The following LMX1A variants were observed in gnomAD, a reference collection of about 807,000 sequenced individuals.
LMX1A encodes LIM homeobox transcription factor 1 alpha.
In LMX1A, 15 loss-of-function variants were observed where a neutral mutation model predicts 49.1. That is an observed-to-expected ratio of 0.31 (90% CI 0.20 to 0.47). The LOEUF (loss-of-function observed/expected upper bound fraction) is 0.47, where lower values mean the gene tolerates loss of function less well. Ranked by LOEUF, LMX1A falls within the 20% of genes least tolerant of loss-of-function variation. The pLI is 1.00. For missense variants in LMX1A, 372 were observed against 475.8 expected (o/e 0.78, Z 2.03); for synonymous variants, 167 against 185.7 (o/e 0.90, Z 0.82).
At chr1:165,230,279 T>C (rs778053403) in intron 4 of LMX1A, among the ~76,000 whole-genome samples, 1 of 152,212 alleles carries the variant, frequency 6.6e-6, no homozygotes, top group African/African-American at 2.4e-5. Context: ...AGAAGGTGTT[T>C]ATGATGATGA....
intron 3 of LMX1A, among the ~76,000 whole-genome samples, chr1:165,338,780 T>C (rs976288790): frequency 1.3e-5 from 2 of 152,220 alleles, no homozygotes; most frequent in African/African-American, 4.8e-5. Context: ...AGCAGAGCCA[T>C]TGGAAAATAC....
chr1:165,324,805 A>T (rs1278462008), intron 3 of LMX1A, among the ~76,000 whole-genome samples: 1 of 152,204 alleles, frequency 6.6e-6, no homozygotes, highest in Non-Finnish European at 1.5e-5. Context: ...TTCAAAGGGC[A>T]TCTTAAGCCC....
At chr1:165,205,204 G>A (rs932753753) in intron 8 of LMX1A, among the ~76,000 whole-genome samples, 5 of 152,186 alleles carry the variant, frequency 3.3e-5, no homozygotes, top group African/African-American at 1.2e-4. Flanking sequence ...ATACTTGGCT[G>A]AGGTTGAACT....
At chr1:165,228,535 T>C (rs916456454) in intron 4 of LMX1A, among the ~76,000 whole-genome samples, 1 of 152,170 alleles carries the variant, frequency 6.6e-6, no homozygotes, top group African/African-American at 2.4e-5. Context: ...TGACAAAGGA[T>C]TTCACAGGTT....
intron 3 of LMX1A, among the ~76,000 whole-genome samples, chr1:165,309,174 C>T (rs72702449): frequency 2.1e-3 from 327 of 152,170 alleles, no homozygotes; most frequent in Middle Eastern, 0.01. Flanking sequence ...ATGCTGAGGG[C>T]TCGCTCCTGG....
At chr1:165,267,136 C>A (rs1167757553) in intron 3 of LMX1A, among the ~76,000 whole-genome samples, 1 of 152,204 alleles carries the variant, frequency 6.6e-6, no homozygotes, top group Non-Finnish European at 1.5e-5. Flanking sequence ...AAACCCTTTT[C>A]CCATTAGGCA....
intron 3 of LMX1A, among the ~76,000 whole-genome samples, chr1:165,282,195 A>G (rs569062363): frequency 2.6e-4 from 39 of 152,218 alleles, no homozygotes; most frequent in African/African-American, 9.2e-4. Context: ...ATAAATCCCA[A>G]ATCTCTATCA....
At chr1:165,275,080 T>C (rs16841929) in intron 3 of LMX1A, among the ~76,000 whole-genome samples, 6,221 of 152,240 alleles carry the variant, frequency 0.041, 432 homozygotes, top group African/African-American at 0.14. Context: ...CATAGGTTCA[T>C]AGGAGCTCTG....
At chr1:165,227,354 A>C (rs1652071083) in intron 4 of LMX1A, among the ~76,000 whole-genome samples, 1 of 152,140 alleles carries the variant, frequency 6.6e-6, no homozygotes, top group African/African-American at 2.4e-5. Context: ...CCTAGGCAAC[A>C]TGGCGAAACC....
chr1:165,322,337 C>T (rs758553310), intron 3 of LMX1A, among the ~76,000 whole-genome samples: 32 of 152,086 alleles, frequency 2.1e-4, no homozygotes, highest in Non-Finnish European at 3.5e-4. Context: ...CAGGCCCAAG[C>T]GAACTGAAAA....
rs2102589026 is a variant in LMX1A, at chr1:165,202,108, G to A, written c.*1772C>T. On this transcript the variant is annotated 3_prime_UTR_variant, in exon 9 of 9. Transcript: ENST00000342310. ...CACACAACATAGACTCTACCATAAG[G>A]GGACATGTTCCCTCTGGCCTTGCCA... 6.6e-6 allele frequency: 1 copy of A among 152,552 alleles called. No homozygotes were observed. Among genetic ancestry groups the A allele is most frequent in the East Asian group, 1.9e-4 (1 of 5,152 alleles). 9.4% of individuals were successfully genotyped at this position (152,552 alleles called of 1,614,324 possible).
chr1:165,287,005 G>T (rs1487565912), intron 3 of LMX1A, among the ~76,000 whole-genome samples: 1 of 152,156 alleles, frequency 6.6e-6, no homozygotes, highest in Non-Finnish European at 1.5e-5. Flanking sequence ...AGATTAAAAT[G>T]CAGGGGGTAA....
intron 3 of LMX1A, among the ~76,000 whole-genome samples, chr1:165,276,316 T>C (rs185058308): frequency 6.6e-6 from 1 of 152,286 alleles, no homozygotes; most frequent in Admixed American, 6.5e-5. Context: ...TGCTGGGATT[T>C]TAAAAACAGA....
At position 165,231,280 on chromosome 1, in the gene LMX1A, A is replaced by G. The variant is rs981473685; in HGVS notation, c.497-17467T>C. Among the ~76,000 whole-genome samples the G allele has an allele frequency of 2.7e-5, 4 of 149,212 alleles. No individual in the cohort carries two copies. In the South Asian group the frequency reaches 8.5e-4, roughly 32 times the overall value. On this transcript the variant is annotated intron_variant, in intron 4 of 8. Transcript: ENST00000342310. Reference sequence around the variant, plus strand: ...GGGTGTTGTTTAAAACAAATCTTAGAAACTGGCTTAGTTTTTTTTTTTTTA... The same window carrying G: ...GGGTGTTGTTTAAAACAAATCTTAGGAACTGGCTTAGTTTTTTTTTTTTTA...
intron 7 of LMX1A, 65 bp from the exon 8 acceptor site, chr1:165,206,099 C>G: frequency 7.2e-7 from 1 of 1,384,158 alleles, no homozygotes; most frequent in Non-Finnish European, 9.8e-7. Flanking sequence ...TTCCCTGGGT[C>G]CTGATTCCCT....
chr1:165,309,029 A>G (rs1654998728), intron 3 of LMX1A, among the ~76,000 whole-genome samples: 1 of 152,152 alleles, frequency 6.6e-6, no homozygotes, highest in African/African-American at 2.4e-5. Flanking sequence ...CCCTTTGGAA[A>G]GAAGAGATGC....
chr1:165,204,147 G>C, intron 8 of LMX1A, 107 bp from the exon 9 acceptor site: 4 of 1,199,934 alleles, frequency 3.3e-6, no homozygotes, highest in Non-Finnish European at 4.7e-6. Flanking sequence ...ACAGGCTCCA[G>C]GTGAAACTTT....
intron 4 of LMX1A, among the ~76,000 whole-genome samples, chr1:165,233,441 G>C (rs1412037114): frequency 6.6e-6 from 1 of 152,094 alleles, no homozygotes; most frequent in African/African-American, 2.4e-5. Context: ...GGTGACAGAA[G>C]GAGACCATCT....
chr1:165,235,255 G>A (rs1652386016), intron 4 of LMX1A, among the ~76,000 whole-genome samples: 1 of 152,152 alleles, frequency 6.6e-6, no homozygotes, highest in African/African-American at 2.4e-5. Context: ...GGAAATCAGG[G>A]TTCAGGTAGC....
Sources: gnomAD v4.1 joint callset for allele counts (sites outside exome capture counted in the v4.1 genomes callset) on GRCh38, gnomAD v4.1.1 for gene constraint, MANE v1.5 for transcripts, NCBI Gene and HGNC (gene_info 2026-07-23, HGNC 2026-07-21) for gene names.